The following ANK2 variants were observed in gnomAD, a reference collection of about 807,000 sequenced individuals.
The protein encoded by ANK2 is ankyrin 2.
ANK2 carries 83 observed loss-of-function variants against 360.5 expected under a neutral mutation model. The ratio of observed to expected loss-of-function variants is 0.23; its 90% CI spans 0.19 to 0.28. The LOEUF (loss-of-function observed/expected upper bound fraction) is 0.28. Among genes scored for constraint, ANK2 ranks in the 10% least tolerant of loss-of-function variants. ANK2 has a pLI of 1.00. For synonymous variants in ANK2, 1,740 were observed against 1,759.5 expected, an observed-to-expected ratio of 0.99 and a Z score of 0.28; for missense variants, 4,201 against 4,795.7, an observed-to-expected ratio of 0.88 and a Z score of 3.66.
intron 1 of ANK2, among the ~76,000 whole-genome samples, chr4:113,143,066 G>C (rs1047737494): frequency 6.6e-6 from 1 of 151,574 alleles, no homozygotes; most frequent in Non-Finnish European, 1.5e-5. Context: ...TATGAATTGC[G>C]TCCCTATCTG....
At chr4:112,737,217 A>G in the ANK2 span, among the ~76,000 whole-genome samples, 1 of 152,262 alleles carries the variant, frequency 6.6e-6, no homozygotes, top group South Asian at 2.1e-4. Flanking sequence ...ATATTCACAA[A>G]CATTAGTTAT....
At chr4:112,735,120 C>T in the ANK2 span, among the ~76,000 whole-genome samples, 1 of 152,164 alleles carries the variant, frequency 6.6e-6, no homozygotes, top group Admixed American at 6.6e-5. Flanking sequence ...TGAGGTGGCT[C>T]ATGCCTATAA....
intron 1 of ANK2, among the ~76,000 whole-genome samples, chr4:112,824,234 C>T (rs1579076072): frequency 6.6e-6 from 1 of 151,950 alleles, no homozygotes; most frequent in South Asian, 2.1e-4. Flanking sequence ...GGCTGGAGGG[C>T]GGTGGTGTGA....
At chr4:112,886,858 A>T (rs962003068) in intron 1 of ANK2, among the ~76,000 whole-genome samples, 1 of 152,216 alleles carries the variant, frequency 6.6e-6, no homozygotes, top group Non-Finnish European at 1.5e-5. Context: ...ATTACTAATC[A>T]TGTGAAGAAG....
At chr4:113,104,668 T>C (rs977893578) in intron 1 of ANK2, among the ~76,000 whole-genome samples, 1 of 152,176 alleles carries the variant, frequency 6.6e-6, no homozygotes, top group Non-Finnish European at 1.5e-5. Context: ...TTAGCTGAGA[T>C]TGTGCCACTG....
chr4:112,761,669 A>G, the ANK2 span, among the ~76,000 whole-genome samples: 2 of 152,170 alleles, frequency 1.3e-5, no homozygotes, highest in African/African-American at 4.8e-5. Flanking sequence ...TTCTCTTCGA[A>G]GTTAAGTGCA....
At chr4:112,777,613 A>G in the ANK2 span, among the ~76,000 whole-genome samples, 16 of 141,878 alleles carry the variant, frequency 1.1e-4, no homozygotes, top group Non-Finnish European at 2.1e-4. Context: ...AAATACATCT[A>G]TAATCTTTTT....
intron 1 of ANK2, among the ~76,000 whole-genome samples, chr4:113,063,127 T>C (rs979648490): frequency 3.9e-5 from 6 of 152,092 alleles, no homozygotes; most frequent in Non-Finnish European, 5.9e-5. Flanking sequence ...AGAATATATA[T>C]TCATATCTCT....
Position 113,339,359 on chromosome 4 carries a change from T to C in ANK2, c.3893+37T>C, listed in dbSNP as rs773932721. The C allele has an allele frequency of 3.2e-6, 5 of 1,546,096 alleles. No homozygotes were observed. In the South Asian group the frequency reaches 4.5e-5, roughly 14 times the overall value. On this transcript the variant is annotated intron_variant, in intron 32 of 45. Coordinates refer to ENST00000357077, the MANE Select transcript of ANK2 (RefSeq NM_001148.6). The stretch of plus-strand genomic sequence containing the variant: ...TAGCACAGAAAAGCCCACTATGATA[T>C]GTTACCCTCCAAAAAAACTGCCCTT...
Position 113,353,636 on chromosome 4 carries a change from G to A in ANK2, c.5018G>A (p.Arg1673Lys). ...AAATGTGAGGCTCTGGCTGTTGGCA[G>A]GAGCTCTGAAAAGGAAGGGAAAGAC... ...GKKCEALAVG[R>K]SSEKEGKDIP... Residue 1673 changes from arginine (R) to lysine (K), a missense_variant, in exon 38 of 46, where the codon AGG becomes AAG. Arg to Lys is a conservative substitution (Grantham distance 26, BLOSUM62 2). Transcript: ENST00000357077. The A allele has an allele frequency of 6.2e-7, 1 of 1,614,008 alleles. No individual in the cohort carries two copies.
intron 2 of ANK2, among the ~76,000 whole-genome samples, chr4:112,983,568 G>GT (rs1444137344): frequency 6.6e-6 from 1 of 151,732 alleles, no homozygotes; most frequent in East Asian, 1.9e-4. Flanking sequence ...CCAGCTACTC[G>GT]TGAGGCTGAG....
At chr4:113,328,663 G>A (rs1397733217) in intron 26 of ANK2, among the ~76,000 whole-genome samples, 6 of 152,178 alleles carry the variant, frequency 3.9e-5, no homozygotes, top group Non-Finnish European at 7.3e-5. Flanking sequence ...AAGCGGGCTA[G>A]GTATGAATGG....
intron 1 of ANK2, among the ~76,000 whole-genome samples, chr4:112,893,700 C>T (rs2080872664): frequency 6.6e-6 from 1 of 152,076 alleles, no homozygotes; most frequent in Non-Finnish European, 1.5e-5. Flanking sequence ...TAGTTACTTA[C>T]TCAAGGTCAT....
chr4:113,026,071 G>A (rs1004408916), intron 2 of ANK2, among the ~76,000 whole-genome samples: 1 of 152,098 alleles, frequency 6.6e-6, no homozygotes, highest in African/African-American at 2.4e-5. Context: ...AAGCGTATAT[G>A]GTACATTTAT....
At chr4:113,185,508 T>C (rs1329270278) in intron 2 of ANK2, among the ~76,000 whole-genome samples, 1 of 152,280 alleles carries the variant, frequency 6.6e-6, no homozygotes, top group African/African-American at 2.4e-5. Context: ...CACATAAATG[T>C]CTTCTTTTGA....
rs2083585779 is a variant in ANK2, at chr4:113,317,610, G to A, written c.2694-97G>A. The A allele has an allele frequency of 1.4e-5, 13 of 904,120 alleles. No individual in the cohort carries two copies. In the South Asian group the frequency reaches 1.6e-4, roughly 11 times the overall value. The allele number at this position is 904,120 out of a possible 1,614,324, so 56.0% of individuals were successfully genotyped here. On this transcript the variant is annotated intron_variant, in intron 24 of 45. Coordinates refer to ENST00000357077, the MANE Select transcript of ANK2 (RefSeq NM_001148.6). ...CTGGAAGTTGTGCTGTTAGCTAATA[G>A]CACGCTTTTTTCACTCTCCTGCTCG...
At chr4:113,331,845 A>G (rs2092523042) in intron 27 of ANK2, 127 bp from the exon 28 acceptor site, 1 of 876,576 alleles carries the variant, frequency 1.1e-6, no homozygotes, top group African/African-American at 1.6e-5. Context: ...TGGAGGGGGC[A>G]GAACCAAACG....
intron 1 of ANK2, among the ~76,000 whole-genome samples, chr4:113,077,152 G>T (rs1308502572): frequency 1.3e-5 from 2 of 151,758 alleles, no homozygotes; most frequent in Non-Finnish European, 2.9e-5. Flanking sequence ...ACATATTTTG[G>T]CATACCCATA....
At chr4:112,914,745 T>TGAAA (rs1455338039) in intron 2 of ANK2, among the ~76,000 whole-genome samples, 3 of 152,220 alleles carry the variant, frequency 2.0e-5, no homozygotes, top group Non-Finnish European at 4.4e-5. Flanking sequence ...AGGCACCCAC[T>TGAAA]GTTTCCTAAA....
Sources: gnomAD v4.1 joint callset for allele counts (sites outside exome capture counted in the v4.1 genomes callset) on GRCh38, gnomAD v4.1.1 for gene constraint, MANE v1.5 for transcripts, NCBI Gene and HGNC (gene_info 2026-07-23, HGNC 2026-07-21) for gene names.